Variants in PRELID2 observed in about 807,000 individuals in gnomAD.
PRELID2 encodes the protein PRELI domain-containing protein 2.
A neutral mutation model predicts 28.4 loss-of-function variants in PRELID2; 25 were observed. The observed-to-expected ratio is 0.88, with a 90% CI of 0.64 to 1.23. The LOEUF is 1.23. Among genes scored for constraint, PRELID2 ranks in the 50% most tolerant of loss-of-function variants. The probability of loss-of-function intolerance (pLI) is 0.00; values close to 1 mark genes in which losing one functional copy is unlikely to be tolerated. For missense variants in PRELID2, 201 were observed against 214.4 expected (o/e 0.94, Z 0.39); for synonymous variants, 76 against 71.6 (o/e 1.06, Z -0.31).
intron 1 of PRELID2, among the ~76,000 whole-genome samples, chr5:145,521,886 C>T (rs1752565831): frequency 6.6e-6 from 1 of 152,182 alleles, no homozygotes; most frequent in Non-Finnish European, 1.5e-5. Flanking sequence ...GCACCAGTTC[C>T]AACTTGTATT....
At chr5:145,596,947 C>A (rs1388357493) in intron 1 of PRELID2, among the ~76,000 whole-genome samples, 1 of 152,172 alleles carries the variant, frequency 6.6e-6, no homozygotes, top group African/African-American at 2.4e-5. Flanking sequence ...TCATTTGTCA[C>A]TGTTCCATAG....
chr5:145,557,131 A>G (rs4912697), intron 1 of PRELID2, among the ~76,000 whole-genome samples: 46,873 of 152,100 alleles, frequency 0.31, 7,525 homozygotes, highest in African/African-American at 0.4. Context: ...CCTGATACAT[A>G]GTGAGTTCTC....
intron 1 of PRELID2, among the ~76,000 whole-genome samples, chr5:145,570,697 T>A (rs2149617342): frequency 6.6e-6 from 1 of 152,308 alleles, no homozygotes; most frequent in Non-Finnish European, 1.5e-5. Context: ...CAGCTATCAC[T>A]ATCTGTTTCA....
At chr5:145,804,449 G>T (rs1473181300) in intron 4 of PRELID2, among the ~76,000 whole-genome samples, 2 of 152,132 alleles carry the variant, frequency 1.3e-5, no homozygotes, top group Non-Finnish European at 2.9e-5. Flanking sequence ...GGCGGAGGTT[G>T]TGGTGAGCCG....
chr5:145,565,883 T>C (rs752770277), intron 1 of PRELID2, among the ~76,000 whole-genome samples: 18 of 152,212 alleles, frequency 1.2e-4, no homozygotes, highest in South Asian at 4.1e-4. Context: ...ATATGTTCAT[T>C]TCTAAAATAA....
intron 1 of PRELID2, among the ~76,000 whole-genome samples, chr5:145,500,833 T>C (rs1315586250): frequency 6.6e-6 from 1 of 152,166 alleles, no homozygotes; most frequent in Non-Finnish European, 1.5e-5. Context: ...CTGCTGCTGC[T>C]GATGCCACCA....
intron 1 of PRELID2, among the ~76,000 whole-genome samples, chr5:145,596,809 T>C (rs1753313671): frequency 6.6e-6 from 1 of 152,142 alleles, no homozygotes; most frequent in Non-Finnish European, 1.5e-5. Flanking sequence ...CCCTGGACAA[T>C]GGATGAATTT....
intron 5 of PRELID2, among the ~76,000 whole-genome samples, chr5:145,788,955 A>G (rs1752185446): frequency 6.6e-6 from 1 of 152,092 alleles, no homozygotes; most frequent in African/African-American, 2.4e-5. Flanking sequence ...CCAACGCAGT[A>G]AAAGATCTCT....
intron 1 of PRELID2, among the ~76,000 whole-genome samples, chr5:145,689,562 C>G (rs1210666601): frequency 6.6e-6 from 1 of 152,184 alleles, no homozygotes; most frequent in Non-Finnish European, 1.5e-5. Context: ...AGCTGAGAAA[C>G]AATAGCTTAG....
intron 1 of PRELID2, among the ~76,000 whole-genome samples, chr5:145,704,815 A>G (rs1413462545): frequency 6.6e-6 from 1 of 152,220 alleles, no homozygotes; most frequent in Non-Finnish European, 1.5e-5. Context: ...TGGGACCAGT[A>G]AAACAGAGAA....
chr5:145,424,133 C>A, the PRELID2 span, among the ~76,000 whole-genome samples: 5 of 151,256 alleles, frequency 3.3e-5, no homozygotes, highest in East Asian at 7.9e-4. Flanking sequence ...CCATTGCTCT[C>A]TTCAAAGCTG....
the PRELID2 span, among the ~76,000 whole-genome samples, chr5:145,410,041 A>T: frequency 6.6e-6 from 1 of 152,220 alleles, no homozygotes; most frequent in South Asian, 2.1e-4. Flanking sequence ...GACAAAGTAA[A>T]CAAAAATGTA....
intron 1 of PRELID2, among the ~76,000 whole-genome samples, chr5:145,479,856 G>A (rs1007145054): frequency 2.0e-5 from 3 of 152,140 alleles, no homozygotes; most frequent in East Asian, 3.9e-4. Flanking sequence ...AAAAAAGGGG[G>A]GTAAGATAAC....
intron 5 of PRELID2, among the ~76,000 whole-genome samples, chr5:145,779,954 A>ACATAAATAATAACAT (rs1758681816): frequency 1.3e-5 from 2 of 152,218 alleles, no homozygotes; most frequent in African/African-American, 4.8e-5. Context: ...GTTAATAACA[A>ACATAAATAATAACAT]CAACTAGCTT....
rs112718913 is a variant in PRELID2 at position 145,572,451 on chromosome 5, T to C, written n.71-99136A>G. Among the ~76,000 whole-genome samples the C allele has an allele frequency of 8.0e-3, 1,218 of 152,286 alleles. 25 individuals are homozygous for C. Among genetic ancestry groups the C allele is most frequent in the African/African-American group, 0.028 (1,169 of 41,564 alleles). On this transcript the variant is annotated intron_variant and non_coding_transcript_variant, in intron 1 of 2. Coordinates refer to the PRELID2 transcript ENST00000510259. ...TCTCATATAATCCTAACTCATAGGA[T>C]TTTTTAAGGATTACCTAAATTAATA...
At chr5:145,721,522 G>A (rs556626393) in intron 1 of PRELID2, among the ~76,000 whole-genome samples, 1 of 152,128 alleles carries the variant, frequency 6.6e-6, no homozygotes, top group African/African-American at 2.4e-5. Flanking sequence ...ATCATATAGA[G>A]AAACAGAAAA....
chr5:145,551,529 A>T (rs1752834206), intron 1 of PRELID2, among the ~76,000 whole-genome samples: 2 of 152,228 alleles, frequency 1.3e-5, no homozygotes, highest in African/African-American at 4.8e-5. Context: ...ATCACAAGTG[A>T]TGACCAAAAT....
intron 1 of PRELID2, among the ~76,000 whole-genome samples, chr5:145,514,888 AC>A (rs1298031412): frequency 1.3e-5 from 2 of 152,204 alleles, no homozygotes; most frequent in Non-Finnish European, 2.9e-5. Flanking sequence ...AAACTGAACA[AC>A]CTGCTCCTGA....
At chr5:145,689,153 G>A (rs949344693) in intron 1 of PRELID2, among the ~76,000 whole-genome samples, 3 of 152,150 alleles carry the variant, frequency 2.0e-5, no homozygotes, top group Non-Finnish European at 4.4e-5. Context: ...CCAAACCTCT[G>A]AGGAGAGGAA....
Sources: allele counts gnomAD v4.1 joint callset (sites outside exome capture counted in the v4.1 genomes callset), GRCh38; gene constraint gnomAD v4.1.1; transcripts MANE v1.5; gene names NCBI Gene and HGNC (gene_info 2026-07-23, HGNC 2026-07-21).